The following NPIPB2 variants were observed in gnomAD, a reference collection of about 807,000 sequenced individuals.
NPIPB2 encodes the protein nuclear pore complex interacting protein family member B2, also known as nuclear pore complex-interacting protein family member B2.
In NPIPB2, 27 loss-of-function variants were observed where a neutral mutation model predicts 30.8. That is an observed-to-expected ratio of 0.88 (90% confidence interval 0.65 to 1.21). The LOEUF is 1.21. NPIPB2 is among the 50% of genes most tolerant of loss of function. The pLI, the probability that NPIPB2 is intolerant of heterozygous loss-of-function variation, is 0.00. For synonymous variants in NPIPB2, 147 were observed against 162.0 expected, an observed-to-expected ratio of 0.91 and a Z score of 0.70; for missense variants, 440 against 446.2, an observed-to-expected ratio of 0.99 and a Z score of 0.13.
upstream of NPIPB2, chr16:11,942,159 A>C: frequency 1.3e-6 from 2 of 1,509,744 alleles, no homozygotes; most frequent in South Asian, 1.2e-5. Flanking sequence ...TTAAGCATGC[A>C]TGGTACATTT....
intron 1 of NPIPB2, chr16:11,968,703 A>G (rs1405026909): frequency 6.6e-6 from 1 of 152,012 alleles, no homozygotes; most frequent in Non-Finnish European, 1.5e-5. Context: ...TCTCCACACT[A>G]TCCACTCTCC....
intron 2 of NPIPB2, among the ~76,000 whole-genome samples, chr16:11,936,850 G>T (rs2054874176): frequency 6.8e-6 from 1 of 147,730 alleles, no homozygotes; most frequent in Non-Finnish European, 1.5e-5. Flanking sequence ...GGCTTTCTCT[G>T]CATCATGAGA....
chr16:11,956,481 G>C (rs2055113814), intron 1 of NPIPB2, among the ~76,000 whole-genome samples: 1 of 152,144 alleles, frequency 6.6e-6, no homozygotes, highest in Non-Finnish European at 1.5e-5. Flanking sequence ...TTTGAGACCA[G>C]CCTGACCAAC....
upstream of NPIPB2, among the ~76,000 whole-genome samples, chr16:11,945,700 C>T (rs2055000342): frequency 6.6e-6 from 1 of 151,180 alleles, no homozygotes; most frequent in Non-Finnish European, 1.5e-5. Context: ...AAAACAAAAA[C>T]AAAATGCTGG....
intron 1 of NPIPB2, among the ~76,000 whole-genome samples, chr16:11,948,890 C>T (rs1167618319): frequency 6.6e-6 from 1 of 151,634 alleles, no homozygotes; most frequent in East Asian, 1.9e-4. Context: ...GTAATCCTAG[C>T]ACTTCGGGAG....
At chr16:11,933,695 T>C (rs1488168644) in exon 4 of NPIPB2, 30 of 1,596,822 alleles carry the variant, frequency 1.9e-5, no homozygotes, top group Non-Finnish European at 2.5e-5. Context: ...TTTGTGTGCA[T>C]ACAAATGGAC....
intron 1 of NPIPB2, among the ~76,000 whole-genome samples, chr16:11,975,925 C>G (rs1310168761): frequency 6.6e-6 from 1 of 151,596 alleles, no homozygotes; most frequent in Non-Finnish European, 1.5e-5. Flanking sequence ...TAATTCAGAT[C>G]GTATCACTCC....
At chr16:11,961,359 G>A (rs932632950) in intron 1 of NPIPB2, among the ~76,000 whole-genome samples, 1 of 151,908 alleles carries the variant, frequency 6.6e-6, no homozygotes, top group Non-Finnish European at 1.5e-5. Context: ...GGAATTTGAC[G>A]TTTTGATCAA....
upstream of NPIPB2, among the ~76,000 whole-genome samples, chr16:11,943,961 G>A (rs1450255947): frequency 1.6e-5 from 2 of 125,438 alleles, no homozygotes; most frequent in Non-Finnish European, 3.1e-5. Context: ...TCGCGCCACT[G>A]CACTCCAGCC....
In NPIPB2 at chr16:11,970,856, GTTTC is replaced by G. The variant is rs1431209093; in HGVS notation, c.-584+5708_-584+5711del. ...GCCTAAAATCAGCATTTTCTTACTC[GTTTC>G]TTTTTTTTTTTTGAGATAGGGTCTT... is the stretch of plus-strand genomic sequence containing the variant. On this transcript the variant is annotated intron_variant, in intron 1 of 5. Coordinates refer to the NPIPB2 transcript ENST00000538896. Among the ~76,000 whole-genome samples the G allele has an allele frequency of 7.5e-3, 965 of 128,606 alleles. 15 individuals carry two copies. The highest frequency in any genetic ancestry group is 0.025 in the African/African-American group (911 of 36,100). The allele number at this position is 128,606 out of a possible 152,430, so 84.4% of individuals were successfully genotyped here.
At chr16:11,963,694 G>A (rs1039053905) in intron 1 of NPIPB2, among the ~76,000 whole-genome samples, 2 of 151,994 alleles carry the variant, frequency 1.3e-5, no homozygotes, top group African/African-American at 4.8e-5. Context: ...CTGCATTTTT[G>A]ACAAACATCT....
chr16:11,951,619 T>TAC (rs1237887146), intron 1 of NPIPB2, among the ~76,000 whole-genome samples: 1,587 of 115,758 alleles, frequency 0.014, 37 homozygotes, highest in African/African-American at 0.043. Flanking sequence ...ACACTGCACA[T>TAC]ACACATACAC....
At chr16:11,961,093 C>G (rs1431002574) in intron 1 of NPIPB2, among the ~76,000 whole-genome samples, 1 of 152,106 alleles carries the variant, frequency 6.6e-6, no homozygotes, top group East Asian at 1.9e-4. Flanking sequence ...AAACTCCTGA[C>G]TTCAGGTGAT....
At chr16:11,961,520 C>G (rs906096671) in intron 1 of NPIPB2, among the ~76,000 whole-genome samples, 4 of 152,138 alleles carry the variant, frequency 2.6e-5, no homozygotes, top group Admixed American at 6.6e-5. Context: ...TGGCTCACGC[C>G]TATAATCCTA....
intron 4 of NPIPB2, among the ~76,000 whole-genome samples, chr16:11,931,867 G>C (rs940229993): frequency 4.6e-5 from 7 of 152,152 alleles, no homozygotes; most frequent in African/African-American, 1.7e-4. Flanking sequence ...GGAAACCCAG[G>C]ACGAAAGTCA....
chr16:11,964,692 G>C (rs535593859), intron 1 of NPIPB2, among the ~76,000 whole-genome samples: 1 of 152,308 alleles, frequency 6.6e-6, no homozygotes, highest in African/African-American at 2.4e-5. Context: ...TGGGATTACA[G>C]GAGAGCGCCA....
intron 2 of NPIPB2, among the ~76,000 whole-genome samples, chr16:11,936,331 A>G (rs1211073026): frequency 6.6e-6 from 1 of 151,916 alleles, no homozygotes; most frequent in Non-Finnish European, 1.5e-5. Flanking sequence ...AAAAAAGAAA[A>G]AAGCTTCCTC....
At chr16:11,954,930 C>A (rs932861745) in intron 1 of NPIPB2, among the ~76,000 whole-genome samples, 5 of 151,582 alleles carry the variant, frequency 3.3e-5, no homozygotes, top group Non-Finnish European at 5.9e-5. Context: ...ATACTTTTTG[C>A]TATTTAAAAA....
upstream of NPIPB2, among the ~76,000 whole-genome samples, chr16:11,942,456 A>G (rs138683887): frequency 0.23 from 32,490 of 142,458 alleles, 5,081 homozygotes; most frequent in Non-Finnish European, 0.35. Context: ...ACAAGGTTGC[A>G]TGATCTCAAA....
Sources: allele counts gnomAD v4.1 joint callset (sites outside exome capture counted in the v4.1 genomes callset), GRCh38; gene constraint gnomAD v4.1.1; transcripts MANE v1.5; gene names NCBI Gene and HGNC (gene_info 2026-07-23, HGNC 2026-07-21).